GRM3: variants seen among roughly 807,000 people sequenced by gnomAD.
The protein encoded by GRM3 is glutamate metabotropic receptor 3.
A neutral mutation model predicts 70.5 loss-of-function variants in GRM3; 26 were observed. That is an observed-to-expected ratio of 0.37 (90% confidence interval 0.27 to 0.51). GRM3 has a LOEUF of 0.51. Ranked by LOEUF, GRM3 falls within the 20% of genes least tolerant of loss-of-function variation. The probability of loss-of-function intolerance (pLI) is 0.93; values close to 1 mark genes in which losing one functional copy is unlikely to be tolerated. For synonymous variants in GRM3, 443 were observed against 434.9 expected (o/e 1.02, Z -0.23); for missense variants, 859 against 1,123.8 (o/e 0.76, Z 3.37).
chr7:86,737,530 C>T (rs1388259211), intron 1 of GRM3, among the ~76,000 whole-genome samples: 3 of 152,146 alleles, frequency 2.0e-5, no homozygotes, highest in Non-Finnish European at 4.4e-5. Flanking sequence ...AGGAATGAAA[C>T]GTAACACAGT....
intron 4 of GRM3, among the ~76,000 whole-genome samples, chr7:86,840,738 A>C (rs945335699): frequency 2.0e-5 from 3 of 152,078 alleles, no homozygotes; most frequent in African/African-American, 7.2e-5. Flanking sequence ...TTTATTCTCT[A>C]TGTTTCTTAA....
intron 1 of GRM3, among the ~76,000 whole-genome samples, chr7:86,743,752 T>G (rs1241518466): frequency 6.6e-6 from 1 of 152,162 alleles, no homozygotes; most frequent in Non-Finnish European, 1.5e-5. Context: ...ACCTAGTGAA[T>G]GGCTGGAGAG....
At position 86,746,341 on chromosome 7, in the gene GRM3, T is replaced by TTTTA. The variant is rs1388333232; in HGVS notation, c.-140-18664_-140-18663insTTAT. Among the ~76,000 whole-genome samples, 339 of 87,430 alleles carry TTTTA rather than the reference T, an allele frequency of 3.9e-3. 3 individuals are homozygous for TTTTA. The highest frequency in any genetic ancestry group is 0.015 in the African/African-American group (247 of 16,816). The allele number at this position is 87,430 out of a possible 152,430, so 57.4% of individuals were successfully genotyped here. A position where few individuals can be genotyped will look rare whatever the true frequency, so the allele number is the denominator to read the frequency against. ...TGACTAATAGAGGGTCAGTCATGTA[T>TTTTA]TATATATATATATATATATATATAT... is the stretch of plus-strand genomic sequence containing the variant. On this transcript the variant is annotated intron_variant, in intron 1 of 5. Coordinates refer to ENST00000361669, the MANE Select transcript of GRM3 (RefSeq NM_000840.3).
intron 1 of GRM3, among the ~76,000 whole-genome samples, chr7:86,665,039 G>A (rs1793991035): frequency 6.6e-6 from 1 of 151,978 alleles, no homozygotes; most frequent in African/African-American, 2.4e-5. Context: ...TTTTATTCTA[G>A]CTATCATTAT....
intron 1 of GRM3, among the ~76,000 whole-genome samples, chr7:86,746,172 T>G (rs184140720): frequency 6.6e-6 from 1 of 151,786 alleles, no homozygotes; most frequent in Admixed American, 6.6e-5. Context: ...TTTCCTCATC[T>G]GGCTCTATAA....
At chr7:86,672,783 C>T (rs913426717) in intron 1 of GRM3, among the ~76,000 whole-genome samples, 2 of 152,132 alleles carry the variant, frequency 1.3e-5, no homozygotes, top group African/African-American at 4.8e-5. Flanking sequence ...CTTTAGAAGA[C>T]TCATGTCAAG....
chr7:86,720,922 C>A (rs1795446434), intron 1 of GRM3, among the ~76,000 whole-genome samples: 1 of 152,046 alleles, frequency 6.6e-6, no homozygotes, highest in Admixed American at 6.6e-5. Flanking sequence ...ACTCAGACAA[C>A]AGTAAACAAA....
At chr7:86,669,385 G>T (rs1015447847) in intron 1 of GRM3, among the ~76,000 whole-genome samples, 1 of 152,188 alleles carries the variant, frequency 6.6e-6, no homozygotes, top group South Asian at 2.1e-4. Flanking sequence ...GTTAGCTTCT[G>T]CTATCAAGAG....
intron 3 of GRM3, among the ~76,000 whole-genome samples, chr7:86,831,217 G>GAC (rs1233780113): frequency 6.6e-6 from 1 of 152,196 alleles, no homozygotes; most frequent in Non-Finnish European, 1.5e-5. Context: ...GAATGATAGG[G>GAC]ACGGGAACAA....
intron 3 of GRM3, among the ~76,000 whole-genome samples, chr7:86,813,178 G>A (rs10266758): frequency 2.2e-4 from 34 of 151,460 alleles, no homozygotes; most frequent in East Asian, 5.8e-4. Context: ...AGCTAAATGC[G>A]CAAAATTCTC....
At chr7:86,827,006 G>A (rs944273758) in intron 3 of GRM3, among the ~76,000 whole-genome samples, 1 of 152,186 alleles carries the variant, frequency 6.6e-6, no homozygotes, top group Non-Finnish European at 1.5e-5. Flanking sequence ...AATGTGTCCA[G>A]TGTTCCTTAA....
intron 2 of GRM3, among the ~76,000 whole-genome samples, chr7:86,772,314 C>A (rs1054208342): frequency 6.6e-6 from 1 of 152,020 alleles, no homozygotes. Flanking sequence ...GGGTCACAAC[C>A]ATCACCCACC....
At chr7:86,785,288 T>C (rs1415031165) in intron 2 of GRM3, among the ~76,000 whole-genome samples, 2 of 152,234 alleles carry the variant, frequency 1.3e-5, no homozygotes, top group African/African-American at 4.8e-5. Context: ...AGTATGCATA[T>C]AATCTGTTTA....
chr7:86,838,712 A>AAGTG, intron 3 of GRM3, 127 bp from the exon 4 acceptor site: 1 of 621,320 alleles, frequency 1.6e-6, no homozygotes, highest in Non-Finnish European at 2.8e-6. Context: ...ATGGTAACTG[A>AAGTG]TAAATTATTT....
chr7:86,833,429 A>T (rs1004356321), intron 3 of GRM3, among the ~76,000 whole-genome samples: 4 of 152,028 alleles, frequency 2.6e-5, no homozygotes, highest in Admixed American at 1.3e-4. Flanking sequence ...AAAAAAAAGA[A>T]CTATACAACT....
chr7:86,808,985 A>C (rs545829306), intron 3 of GRM3, among the ~76,000 whole-genome samples: 7 of 152,088 alleles, frequency 4.6e-5, no homozygotes, highest in Admixed American at 4.6e-4. Flanking sequence ...TGACAGGAAC[A>C]ATATCAAAGA....
At chr7:86,802,151 C>G (rs1026739282) in intron 3 of GRM3, among the ~76,000 whole-genome samples, 6 of 152,154 alleles carry the variant, frequency 3.9e-5, no homozygotes, top group Non-Finnish European at 7.4e-5. Flanking sequence ...TTATTTCCCT[C>G]TATTTTATAA....
intron 3 of GRM3, among the ~76,000 whole-genome samples, chr7:86,821,339 A>G (rs1798116126): frequency 6.6e-6 from 1 of 152,188 alleles, no homozygotes; most frequent in South Asian, 2.1e-4. Flanking sequence ...CAGCTGACTA[A>G]CAGCACAGTG....
intron 1 of GRM3, among the ~76,000 whole-genome samples, chr7:86,757,888 TCTC>T (rs1796386086): frequency 6.6e-6 from 1 of 152,162 alleles, no homozygotes; most frequent in Non-Finnish European, 1.5e-5. Flanking sequence ...GTACTTGACT[TCTC>T]CTAGTAACCA....
Sources: gnomAD v4.1 joint callset for allele counts (sites outside exome capture counted in the v4.1 genomes callset) on GRCh38, gnomAD v4.1.1 for gene constraint, MANE v1.5 for transcripts, NCBI Gene and HGNC (gene_info 2026-07-23, HGNC 2026-07-21) for gene names.